CUL3: variants seen among roughly 807,000 people sequenced by gnomAD.
CUL3 encodes cullin 3.
CUL3 carries 19 observed loss-of-function variants against 89.1 expected under a neutral mutation model. The observed-to-expected ratio is 0.21, with a 90% CI of 0.15 to 0.31. CUL3 has a LOEUF of 0.31. Among genes scored for constraint, CUL3 ranks in the 10% least tolerant of loss-of-function variants. The pLI is 1.00. For synonymous variants in CUL3, 351 were observed against 308.4 expected (o/e 1.14, Z -1.45); for missense variants, 469 against 942.3 (o/e 0.50, Z 6.58).
chr2:224,542,859 G>C (rs1043154251), intron 2 of CUL3, among the ~76,000 whole-genome samples: 5 of 152,112 alleles, frequency 3.3e-5, no homozygotes, highest in Non-Finnish European at 5.9e-5. Context: ...GAATGACCAG[G>C]AGCTACAGGC....
chr2:224,480,309 T>C (rs896232841), intron 14 of CUL3, among the ~76,000 whole-genome samples: 5 of 152,208 alleles, frequency 3.3e-5, no homozygotes, highest in African/African-American at 7.2e-5. Context: ...TACTGAGCCT[T>C]TGACAGTAAA....
At position 224,514,813 on chromosome 2, in the gene CUL3, A is replaced by T. The variant is rs1435687962; in HGVS notation, c.379-41T>A. On this transcript the variant is annotated intron_variant, in intron 3 of 15. Transcript: ENST00000264414. ...TATAAATATGAGTACAGTTCTTGTG[A>T]GCATAATAATTATTGTGTGCTACAA... 4 of 1,390,030 alleles carry T rather than the reference A, an allele frequency of 2.9e-6. No homozygotes were observed. In the African/African-American group the frequency reaches 4.3e-5, roughly 15 times the overall value. The allele number at this position is 1,390,030 out of a possible 1,614,324, so 86.1% of individuals were successfully genotyped here.
chr2:224,520,594 C>T (rs1308743748), intron 3 of CUL3, among the ~76,000 whole-genome samples: 1 of 152,178 alleles, frequency 6.6e-6, no homozygotes, highest in Admixed American at 6.5e-5. Flanking sequence ...AAAACATCAA[C>T]TAGGACAGGC....
intron 1 of CUL3, among the ~76,000 whole-genome samples, chr2:224,568,327 T>C (rs1695096501): frequency 6.6e-6 from 1 of 152,262 alleles, no homozygotes; most frequent in Non-Finnish European, 1.5e-5. Flanking sequence ...TAACCATCAC[T>C]ACACTCCCAT....
intron 1 of CUL3, among the ~76,000 whole-genome samples, chr2:224,567,186 C>G (rs375072829): frequency 6.6e-6 from 1 of 152,090 alleles, no homozygotes; most frequent in African/African-American, 2.4e-5. Context: ...ACTGCTCACA[C>G]GAAGATGATT....
chr2:224,543,595 A>C (rs534766343), intron 2 of CUL3, among the ~76,000 whole-genome samples: 1 of 152,304 alleles, frequency 6.6e-6, no homozygotes, highest in Admixed American at 6.5e-5. Flanking sequence ...TTGGAATATA[A>C]TACTTACCAG....
At chr2:224,500,728 C>T (rs754825766) in intron 10 of CUL3, among the ~76,000 whole-genome samples, 6 of 150,026 alleles carry the variant, frequency 4.0e-5, no homozygotes, top group Non-Finnish European at 5.9e-5. Context: ...CAGGTTCAAA[C>T]GATTCTCCTG....
At position 224,485,823 on chromosome 2, in the gene CUL3, T is replaced by G. The variant is rs1484945852; in HGVS notation, c.1843-3745A>C. On this transcript the variant is annotated intron_variant, in intron 13 of 15. Transcript: ENST00000264414. This position sits in a 1 kb window ranked among gnomAD's most constrained non-coding sequence, Gnocchi z 4.1. ...CCATGCCTCCCTGACAGGAGACACC[T>G]CCCAGCAGGGGTCAACAGACACCTC... Among the ~76,000 whole-genome samples the G allele has an allele frequency of 6.6e-6, 1 of 152,132 alleles. No individual in the cohort carries two copies. Among genetic ancestry groups the G allele is most frequent in the Non-Finnish European group, 1.5e-5 (1 of 68,002 alleles).
chr2:224,492,780 TCTCA>T lies in CUL3; in HGVS notation c.1842+3048_1842+3051del, dbSNP rs1304400031. On this transcript the variant is annotated intron_variant, in intron 13 of 15. Coordinates refer to ENST00000264414, the MANE Select transcript of CUL3 (RefSeq NM_003590.5). ...GGTATATGTTAATCTTGTGTGGTCC[TCTCA>T]CTATCAGGGCTGACTTGGGCAACCA... is the stretch of plus-strand genomic sequence containing the variant. Among the ~76,000 whole-genome samples, 4 of 152,180 alleles carry T rather than the reference TCTCA, an allele frequency of 2.6e-5. No homozygotes were observed. In the East Asian group the frequency reaches 5.8e-4, roughly 22 times the overall value.
chr2:224,493,368 G>C (rs1692055613), intron 13 of CUL3, among the ~76,000 whole-genome samples: 1 of 152,184 alleles, frequency 6.6e-6, no homozygotes, highest in African/African-American at 2.4e-5. Flanking sequence ...ATTAGCAACA[G>C]ACTGTAGAGA....
At chr2:224,542,515 A>ATGTGTGTGTGTGTGTGTATG (rs1553532440) in intron 2 of CUL3, among the ~76,000 whole-genome samples, 2 of 122,330 alleles carry the variant, frequency 1.6e-5, no homozygotes, top group East Asian at 4.6e-4. Context: ...GTGTGTGTGT[A>ATGTGTGTGTGTGTGTGTATG]TGTGTGTGTG....
At chr2:224,500,541 T>C in intron 10 of CUL3, 54 bp from the exon 11 acceptor site, 1 of 1,585,970 alleles carries the variant, frequency 6.3e-7, no homozygotes, top group Admixed American at 1.7e-5. Context: ...ATTTGCTTTC[T>C]GTTCTGTTTA....
At chr2:224,474,799 G>C (rs756280568) in intron 15 of CUL3, among the ~76,000 whole-genome samples, 9 of 152,158 alleles carry the variant, frequency 5.9e-5, no homozygotes, top group Non-Finnish European at 1.3e-4. Flanking sequence ...CTGGGACCTT[G>C]GCCCACTGGT....
intron 1 of CUL3, among the ~76,000 whole-genome samples, chr2:224,578,392 C>A (rs1695358944): frequency 6.6e-6 from 1 of 152,110 alleles, no homozygotes. Context: ...GTTCAGCCAA[C>A]AATATGAAAT....
At chr2:224,572,630 GAA>G (rs67105454) in intron 1 of CUL3, among the ~76,000 whole-genome samples, 18,636 of 85,942 alleles carry the variant, frequency 0.22, 1,381 homozygotes, top group South Asian at 0.29. Flanking sequence ...GAGAGTGAGA[GAA>G]AAAAAAAAAA....
At chr2:224,549,933 T>C (rs1694450203) in intron 2 of CUL3, among the ~76,000 whole-genome samples, 1 of 152,068 alleles carries the variant, frequency 6.6e-6, no homozygotes, top group South Asian at 2.1e-4. Flanking sequence ...TAAATACCTG[T>C]CAAATATTAT....
At chr2:224,565,363 AG>A (rs1474287835) in intron 1 of CUL3, among the ~76,000 whole-genome samples, 1 of 152,208 alleles carries the variant, frequency 6.6e-6, no homozygotes, top group African/African-American at 2.4e-5. Flanking sequence ...GAGGAAGAGA[AG>A]TAGTTGGTGT....
At position 224,536,749 on chromosome 2, in the gene CUL3, T is replaced by C. The variant is rs145455027; in HGVS notation, c.265-1108A>G. Among the ~76,000 whole-genome samples, 4 of 152,330 alleles carry C rather than the reference T, an allele frequency of 2.6e-5. No homozygotes were observed. In the East Asian group the frequency reaches 7.7e-4, roughly 29 times the overall value. On this transcript the variant is annotated intron_variant, in intron 2 of 15. Transcript: ENST00000264414. Reference sequence around the variant, plus strand: ...TCCTTTCCACAGTCCACAAGCTTAGTACCATCCTCTCTGATAAAATGTTAT... The same window carrying C: ...TCCTTTCCACAGTCCACAAGCTTAGCACCATCCTCTCTGATAAAATGTTAT...
At position 224,471,258 on chromosome 2, in the gene CUL3, T is replaced by TA; in HGVS notation, c.*2986dup. 4.8e-6 allele frequency: 1 copy of TA among 206,278 alleles called. No individual in the cohort carries two copies. The highest frequency in any genetic ancestry group is 9.9e-6 in the Non-Finnish European group (1 of 101,152). The allele number at this position is 206,278 out of a possible 1,614,324, so 12.8% of individuals were successfully genotyped here. A position where few individuals can be genotyped will look rare whatever the true frequency, so the allele number is the denominator to read the frequency against. ...TTGACACAATATACCATATACTCTA[T>TA]AAAAAATTATTCTATGAAAGTCTTA... On this transcript the variant is annotated 3_prime_UTR_variant, in exon 16 of 16. Transcript: ENST00000264414.
Sources: gnomAD v4.1 joint callset for allele counts (sites outside exome capture counted in the v4.1 genomes callset) on GRCh38, gnomAD v4.1.1 for gene constraint, Gnocchi (gnomAD v3.1) non-coding constraint, MANE v1.5 for transcripts, NCBI Gene and HGNC (gene_info 2026-07-23, HGNC 2026-07-21) for gene names.